The following PSD3 variants were observed in gnomAD, a reference collection of about 807,000 sequenced individuals.
The protein encoded by PSD3 is PH and SEC7 domain-containing protein 3.
PSD3 carries 49 observed loss-of-function variants against 105.5 expected under a neutral mutation model. That is an observed-to-expected ratio of 0.46 (90% CI 0.37 to 0.59). The LOEUF (loss-of-function observed/expected upper bound fraction) is 0.59, where lower values mean the gene tolerates loss of function less well. Ranked by LOEUF, PSD3 falls within the 20% of genes least tolerant of loss-of-function variation. The pLI, the probability that PSD3 is intolerant of heterozygous loss-of-function variation, is 0.00. For synonymous variants in PSD3, 557 were observed against 457.8 expected (o/e 1.22, Z -2.77); for missense variants, 1,561 against 1,263.8 (o/e 1.24, Z -3.57).
At chr8:18,763,929 A>T (rs930282418) in intron 9 of PSD3, among the ~76,000 whole-genome samples, 2 of 152,176 alleles carry the variant, frequency 1.3e-5, no homozygotes, top group African/African-American at 4.8e-5. Flanking sequence ...TGAGGTTTAT[A>T]AACATAATCT....
At chr8:18,678,641 G>A (rs1300662163) in intron 9 of PSD3, among the ~76,000 whole-genome samples, 3 of 152,160 alleles carry the variant, frequency 2.0e-5, no homozygotes, top group Non-Finnish European at 2.9e-5. Flanking sequence ...GAGAAACTCC[G>A]TCACTATTAA....
intron 15 of PSD3, among the ~76,000 whole-genome samples, chr8:18,548,836 T>C (rs1485526320): frequency 6.6e-6 from 1 of 152,138 alleles, no homozygotes; most frequent in Non-Finnish European, 1.5e-5. Flanking sequence ...AGGTGAGGCA[T>C]CCCATGCAGC....
chr8:19,026,837 C>T (rs377702755), intron 1 of PSD3, among the ~76,000 whole-genome samples: 1 of 151,868 alleles, frequency 6.6e-6, no homozygotes, highest in Non-Finnish European at 1.5e-5. Context: ...TACATCACTG[C>T]ACTCTAGCCC....
At chr8:18,952,911 G>A (rs1265553105) in intron 1 of PSD3, among the ~76,000 whole-genome samples, 2 of 152,146 alleles carry the variant, frequency 1.3e-5, no homozygotes, top group African/African-American at 4.8e-5. Flanking sequence ...CCACAGGTCT[G>A]ACAGTAAAAA....
intron 1 of PSD3, among the ~76,000 whole-genome samples, chr8:19,022,871 T>TG (rs1485636634): frequency 3.3e-5 from 5 of 151,428 alleles, no homozygotes; most frequent in Non-Finnish European, 7.4e-5. Context: ...ACCCTTTTTT[T>TG]TTTTTTAATC....
chr8:18,828,067 ATTTT>A (rs71218905), intron 4 of PSD3, among the ~76,000 whole-genome samples: 3 of 118,894 alleles, frequency 2.5e-5, no homozygotes, highest in African/African-American at 7.0e-5. Flanking sequence ...ATATATATAT[ATTTT>A]TTTTTTTTTA....
At chr8:19,019,795 C>T (rs992019014) in intron 1 of PSD3, among the ~76,000 whole-genome samples, 6 of 152,058 alleles carry the variant, frequency 3.9e-5, no homozygotes, top group Non-Finnish European at 5.9e-5. Context: ...TGGTGGGACT[C>T]GACTGAATGC....
intron 4 of PSD3, among the ~76,000 whole-genome samples, chr8:18,829,263 C>T (rs1742927057): frequency 6.6e-6 from 1 of 151,930 alleles, no homozygotes. Context: ...AAAAAACGGG[C>T]AAATTATCTA....
chr8:18,884,722 C>G (rs1001820991), intron 2 of PSD3, among the ~76,000 whole-genome samples: 1 of 152,168 alleles, frequency 6.6e-6, no homozygotes, highest in Non-Finnish European at 1.5e-5. Context: ...CACTCTTTCC[C>G]CAAGTGATTA....
At chr8:18,556,065 C>G in intron 15 of PSD3, 144 bp downstream of exon 15, 2 of 903,034 alleles carry the variant, frequency 2.2e-6, no homozygotes, top group Non-Finnish European at 3.3e-6. Context: ...GAGGGGCCAC[C>G]ATGACCTTGC....
intron 1 of PSD3, among the ~76,000 whole-genome samples, chr8:19,000,254 A>G (rs2059654): frequency 0.7 from 105,909 of 151,298 alleles, 37,885 homozygotes; most frequent in East Asian, 0.91. Context: ...AAAATTAGCC[A>G]GGCATGTTAG....
intron 1 of PSD3, among the ~76,000 whole-genome samples, chr8:19,013,044 C>T (rs1391146475): frequency 1.3e-5 from 2 of 152,094 alleles, no homozygotes; most frequent in Non-Finnish European, 2.9e-5. Context: ...TTCGCCAGAA[C>T]GGAAAGCTGA....
At chr8:18,735,814 A>G (rs1804106559) in intron 9 of PSD3, among the ~76,000 whole-genome samples, 2 of 152,206 alleles carry the variant, frequency 1.3e-5, no homozygotes, top group Non-Finnish European at 2.9e-5. Flanking sequence ...ACACAGCACC[A>G]GAAATTTTCT....
intron 2 of PSD3, among the ~76,000 whole-genome samples, chr8:18,929,200 A>G (rs1292517892): frequency 6.6e-6 from 1 of 152,166 alleles, no homozygotes; most frequent in Non-Finnish European, 1.5e-5. Context: ...TCTCTAAGTC[A>G]TATGAAAATG....
At chr8:19,001,779 A>G (rs80159962) in intron 1 of PSD3, 3,502 of 155,108 alleles carry the variant, frequency 0.023, 156 homozygotes, top group African/African-American at 0.08. Context: ...CAGGATTCAG[A>G]CATCTCAGGA....
At chr8:18,551,499 C>G (rs894420131) in intron 15 of PSD3, among the ~76,000 whole-genome samples, 3 of 152,142 alleles carry the variant, frequency 2.0e-5, no homozygotes, top group African/African-American at 7.2e-5. Flanking sequence ...AAAGGTGCAT[C>G]ATGCTTCAAG....
intron 1 of PSD3, among the ~76,000 whole-genome samples, chr8:19,022,169 A>G (rs1827384833): frequency 6.6e-6 from 1 of 152,198 alleles, no homozygotes; most frequent in African/African-American, 2.4e-5. Context: ...ACTTATCACC[A>G]GGAGGATAGT....
At chr8:18,724,117 G>A (rs1298188368) in intron 9 of PSD3, among the ~76,000 whole-genome samples, 1 of 152,126 alleles carries the variant, frequency 6.6e-6, no homozygotes, top group Non-Finnish European at 1.5e-5. Flanking sequence ...GAAAATATGA[G>A]CCTAGGGTTT....
At chr8:18,815,842 A>G (rs2129448803) in intron 4 of PSD3, among the ~76,000 whole-genome samples, 1 of 152,188 alleles carries the variant, frequency 6.6e-6, no homozygotes, top group Non-Finnish European at 1.5e-5. Flanking sequence ...TCCTCTCTAC[A>G]CTGAGTTTCC....
Sources: gnomAD v4.1 joint callset for allele counts (sites outside exome capture counted in the v4.1 genomes callset) on GRCh38, gnomAD v4.1.1 for gene constraint, MANE v1.5 for transcripts, NCBI Gene and HGNC (gene_info 2026-07-23, HGNC 2026-07-21) for gene names.